The following CNTN5 variants were observed in gnomAD, a reference collection of about 807,000 sequenced individuals.
CNTN5 encodes contactin-5.
Under a neutral mutation model 129.1 loss-of-function variants are expected in CNTN5, and 77 were observed. That is an observed-to-expected ratio of 0.60 (90% CI 0.50 to 0.72). The LOEUF (loss-of-function observed/expected upper bound fraction) is 0.72. CNTN5 is among the 30% of genes least tolerant of loss of function. The probability of loss-of-function intolerance (pLI) is 0.00; values close to 1 mark genes in which losing one functional copy is unlikely to be tolerated. For synonymous variants in CNTN5, 509 were observed against 465.6 expected, an observed-to-expected ratio of 1.09 and a Z score of -1.20; for missense variants, 1,478 against 1,328.8, an observed-to-expected ratio of 1.11 and a Z score of -1.75.
intron 18 of CNTN5, among the ~76,000 whole-genome samples, chr11:100,286,181 G>A (rs1426564326): frequency 6.6e-6 from 1 of 152,152 alleles, no homozygotes; most frequent in Non-Finnish European, 1.5e-5. Context: ...GCTGGGGGAG[G>A]GGCGCCCGCC....
chr11:99,380,387 CT>C (rs1249782116), intron 2 of CNTN5, among the ~76,000 whole-genome samples: 3 of 152,120 alleles, frequency 2.0e-5, no homozygotes, highest in Non-Finnish European at 2.9e-5. Flanking sequence ...TGTTTGTTGT[CT>C]ATAAAACCTT....
intron 2 of CNTN5, among the ~76,000 whole-genome samples, chr11:99,504,014 T>A (rs186303415): frequency 1.3e-5 from 2 of 152,170 alleles, no homozygotes; most frequent in East Asian, 3.9e-4. Flanking sequence ...ATTTGTGTGT[T>A]AATTGTTCAA....
intron 1 of CNTN5, among the ~76,000 whole-genome samples, chr11:99,295,188 G>A (rs984207264): frequency 3.9e-5 from 6 of 152,042 alleles, no homozygotes; most frequent in African/African-American, 7.2e-5. Flanking sequence ...CCCATAAACC[G>A]AACCACCAAA....
At chr11:100,163,126 G>A (rs539318762) in intron 13 of CNTN5, among the ~76,000 whole-genome samples, 10 of 150,782 alleles carry the variant, frequency 6.6e-5, no homozygotes, top group South Asian at 4.2e-4. Context: ...ATTTCATTTC[G>A]ACAAATTAAA....
intron 3 of CNTN5, among the ~76,000 whole-genome samples, chr11:99,771,225 A>G (rs972493573): frequency 3.3e-5 from 5 of 152,150 alleles, no homozygotes; most frequent in East Asian, 1.9e-4. Flanking sequence ...TTCTGTGTAT[A>G]TACCCAAAAG....
chr11:99,046,112 G>A (rs1864195286), intron 1 of CNTN5, among the ~76,000 whole-genome samples: 1 of 152,166 alleles, frequency 6.6e-6, no homozygotes, highest in Admixed American at 6.5e-5. Context: ...GCCAAGGTGG[G>A]TGGATTGCTT....
chr11:99,530,238 A>G lies in CNTN5; in HGVS notation c.-70-25907A>G, dbSNP rs185572119. On this transcript the variant is annotated intron_variant, in intron 2 of 24. Coordinates refer to ENST00000524871, the MANE Select transcript of CNTN5 (RefSeq NM_014361.4). ...GCATTACTGTATTTCTCTCCTTAAGATACTATAAATATTAAATGCATTCTT... is the reference window on the plus strand; with the variant it reads ...GCATTACTGTATTTCTCTCCTTAAGGTACTATAAATATTAAATGCATTCTT... Among the ~76,000 whole-genome samples the G allele has an allele frequency of 6.6e-5, 10 of 152,304 alleles. No individual in the cohort carries two copies. In the East Asian group the frequency reaches 1.9e-3, roughly 29 times the overall value.
At chr11:99,989,518 T>C (rs200407997) in intron 8 of CNTN5, among the ~76,000 whole-genome samples, 4 of 151,740 alleles carry the variant, frequency 2.6e-5, no homozygotes, top group East Asian at 1.9e-4. Context: ...GATAGACACA[T>C]ACACACACAC....
intron 13 of CNTN5, among the ~76,000 whole-genome samples, chr11:100,091,692 G>A (rs535178249): frequency 2.4e-4 from 37 of 152,096 alleles, no homozygotes; most frequent in Admixed American, 2.1e-3. Context: ...CTACCAAAGT[G>A]CTGGGATTAC....
At chr11:99,613,277 T>G (rs1008039538) in intron 3 of CNTN5, among the ~76,000 whole-genome samples, 2 of 152,130 alleles carry the variant, frequency 1.3e-5, no homozygotes, top group Non-Finnish European at 2.9e-5. Flanking sequence ...CCATGGTGAG[T>G]TAGCTCTCAT....
chr11:99,417,263 T>C (rs558363099), intron 2 of CNTN5, among the ~76,000 whole-genome samples: 3 of 152,296 alleles, frequency 2.0e-5, no homozygotes, highest in East Asian at 1.9e-4. Flanking sequence ...TGATAATATG[T>C]AGATTAAACA....
intron 6 of CNTN5, among the ~76,000 whole-genome samples, chr11:99,862,682 A>G (rs1010074299): frequency 6.6e-6 from 1 of 152,140 alleles, no homozygotes; most frequent in African/African-American, 2.4e-5. Flanking sequence ...AATCACTGGT[A>G]AACAATGACA....
chr11:99,306,809 A>G (rs1864898669), intron 1 of CNTN5, among the ~76,000 whole-genome samples: 1 of 151,038 alleles, frequency 6.6e-6, no homozygotes, highest in African/African-American at 2.4e-5. Context: ...TACACATAAC[A>G]TAAAATTAAC....
chr11:100,146,634 C>T lies in CNTN5; in HGVS notation c.1581-44492C>T, dbSNP rs142640568. 2.7e-4 allele frequency among the ~76,000 whole-genome samples: 41 copies of T among 151,544 alleles called. No homozygotes were observed. In the East Asian group the frequency reaches 6.6e-3, roughly 24 times the overall value. ...ATTTCAAAATAAGAACTCCACAGAA[C>T]GTTTAATTACTATTCTCAGCGAGTA... On this transcript the variant is annotated intron_variant, in intron 13 of 24. Coordinates refer to ENST00000524871, the MANE Select transcript of CNTN5 (RefSeq NM_014361.4).
chr11:99,824,565 C>T (rs1946895873), intron 4 of CNTN5, among the ~76,000 whole-genome samples: 1 of 151,752 alleles, frequency 6.6e-6, no homozygotes, highest in Non-Finnish European at 1.5e-5. Context: ...GTCAGTAGTA[C>T]CTTTTGTTAA....
intron 1 of CNTN5, among the ~76,000 whole-genome samples, chr11:99,132,479 T>A (rs989097921): frequency 6.6e-6 from 1 of 152,186 alleles, no homozygotes; most frequent in Non-Finnish European, 1.5e-5. Flanking sequence ...TGTTTGCAGA[T>A]GACATGATCC....
intron 2 of CNTN5, among the ~76,000 whole-genome samples, chr11:99,429,341 A>C (rs1350586362): frequency 6.6e-6 from 1 of 152,204 alleles, no homozygotes; most frequent in Admixed American, 6.5e-5. Flanking sequence ...ACATAGACAG[A>C]AGTAGATCTG....
chr11:99,231,176 G>A (rs1202558016), intron 1 of CNTN5, among the ~76,000 whole-genome samples: 3 of 152,144 alleles, frequency 2.0e-5, no homozygotes, highest in African/African-American at 7.2e-5. Context: ...CCCAGTAACG[G>A]AATTGCTTAG....
chr11:99,803,417 C>G (rs1308398863), intron 3 of CNTN5, among the ~76,000 whole-genome samples: 1 of 152,198 alleles, frequency 6.6e-6, no homozygotes, highest in Non-Finnish European at 1.5e-5. Flanking sequence ...GGTCCTTACC[C>G]TACTTTAGAG....
Sources: gnomAD v4.1 joint callset for allele counts (sites outside exome capture counted in the v4.1 genomes callset) on GRCh38, gnomAD v4.1.1 for gene constraint, MANE v1.5 for transcripts, NCBI Gene and HGNC (gene_info 2026-07-23, HGNC 2026-07-21) for gene names.